The following HECW1 variants were observed in gnomAD, a reference collection of about 807,000 sequenced individuals.
HECW1 encodes the protein HECT, C2 and WW domain containing E3 ubiquitin protein ligase 1, also known as E3 ubiquitin-protein ligase HECW1.
A neutral mutation model predicts 182.3 loss-of-function variants in HECW1; 61 were observed. That is an observed-to-expected ratio of 0.33 (90% CI 0.27 to 0.41). The LOEUF (loss-of-function observed/expected upper bound fraction) is 0.41. Among genes scored for constraint, HECW1 ranks in the 10% least tolerant of loss-of-function variants. HECW1 has a pLI of 1.00. For missense variants in HECW1, 1,739 were observed against 2,108.9 expected (o/e 0.82, Z 3.44); for synonymous variants, 859 against 832.6 (o/e 1.03, Z -0.55).
chr7:43,295,810 C>T (rs1805976658), intron 3 of HECW1, among the ~76,000 whole-genome samples: 1 of 152,120 alleles, frequency 6.6e-6, no homozygotes, highest in African/African-American at 2.4e-5. Context: ...ATTGTAAGCC[C>T]ATTTATACTC....
intron 2 of HECW1, among the ~76,000 whole-genome samples, chr7:43,154,454 A>G (rs1050170167): frequency 1.3e-5 from 2 of 152,096 alleles, no homozygotes; most frequent in African/African-American, 2.4e-5. Flanking sequence ...GTTAGTTGCT[A>G]TTTGTCCCCT....
chr7:43,335,980 TC>T (rs1812114048), intron 5 of HECW1, among the ~76,000 whole-genome samples: 2 of 136,728 alleles, frequency 1.5e-5, no homozygotes, highest in Admixed American at 7.1e-5. Flanking sequence ...CCTCTCTCTC[TC>T]TTTCTCTCTC....
intron 13 of HECW1, among the ~76,000 whole-genome samples, chr7:43,458,391 A>G (rs2077473206): frequency 6.6e-6 from 1 of 152,242 alleles, no homozygotes; most frequent in African/African-American, 2.4e-5. Flanking sequence ...ATCTGCTTGC[A>G]TAATATAAAA....
In HECW1 at chr7:43,141,659, C is replaced by T. The variant is rs540845941; in HGVS notation, c.-32+27268C>T. On this transcript the variant is annotated intron_variant, in intron 2 of 29. Coordinates refer to ENST00000395891, the MANE Select transcript of HECW1 (RefSeq NM_015052.5). ...GGATTACAGGCATGCACCACCACCC[C>T]GGCTAATGTTGTATTTTTAGTAGAG... Among the ~76,000 whole-genome samples the T allele has an allele frequency of 1.4e-4, 21 of 152,088 alleles. No homozygotes were observed. In the South Asian group the frequency reaches 4.4e-3, roughly 32 times the overall value.
chr7:43,145,540 C>G (rs954707576), intron 2 of HECW1, among the ~76,000 whole-genome samples: 5 of 152,206 alleles, frequency 3.3e-5, no homozygotes, highest in Non-Finnish European at 7.4e-5. Flanking sequence ...TCAAGCAATC[C>G]TCCCGCTTTG....
rs759484626 is a variant in HECW1 at position 43,550,600 on chromosome 7, C to T, written c.4395+9C>T. ...TGCGCGGCTTCTACGAGGTGAGGCC[C>T]GGTGGCCTGGGGAAGGCAAGCTGTG... is the stretch of plus-strand genomic sequence containing the variant. On this transcript the variant is annotated intron_variant, in intron 27 of 29. Coordinates refer to ENST00000395891, the MANE Select transcript of HECW1 (RefSeq NM_015052.5). 21 of 1,591,684 alleles carry T rather than the reference C, an allele frequency of 1.3e-5. No individual in the cohort carries two copies. Among genetic ancestry groups the T allele is most frequent in the South Asian group, 1.2e-4 (11 of 88,318 alleles).
chr7:43,298,815 T>G (rs1806355500), intron 3 of HECW1, among the ~76,000 whole-genome samples: 1 of 152,228 alleles, frequency 6.6e-6, no homozygotes, highest in African/African-American at 2.4e-5. Flanking sequence ...TACCACGAGG[T>G]GCAGGCTCTG....
chr7:43,128,167 A>ACC (rs759743779), intron 2 of HECW1, among the ~76,000 whole-genome samples: 42 of 152,324 alleles, frequency 2.8e-4, no homozygotes, highest in Non-Finnish European at 2.8e-4. Flanking sequence ...GGCGTGAGCC[A>ACC]CCGCACCTGG....
At chr7:43,369,422 C>T (rs749568215) in intron 6 of HECW1, among the ~76,000 whole-genome samples, 6 of 152,104 alleles carry the variant, frequency 3.9e-5, no homozygotes, top group Non-Finnish European at 8.8e-5. Flanking sequence ...CACGCCATTG[C>T]ACTCCAGCCT....
intron 9 of HECW1, chr7:43,438,822 T>A (rs2076790552): frequency 6.6e-6 from 1 of 152,230 alleles, no homozygotes; most frequent in Non-Finnish European, 1.5e-5. Context: ...TTGAAAACAC[T>A]AAATAAAGCT....
At chr7:43,282,572 G>C (rs1292709685) in intron 3 of HECW1, among the ~76,000 whole-genome samples, 4 of 152,106 alleles carry the variant, frequency 2.6e-5, no homozygotes, top group Non-Finnish European at 5.9e-5. Flanking sequence ...TATAAAGTGA[G>C]ACACAAACTG....
At chr7:43,393,234 T>C (rs1026727918) in intron 6 of HECW1, among the ~76,000 whole-genome samples, 4 of 152,174 alleles carry the variant, frequency 2.6e-5, no homozygotes, top group African/African-American at 9.6e-5. Flanking sequence ...TAGTCAGGCA[T>C]CAGACAAGCC....
chr7:43,479,788 C>T, intron 17 of HECW1, 44 bp downstream of exon 17: 1 of 1,609,630 alleles, frequency 6.2e-7, no homozygotes, highest in Non-Finnish European at 8.5e-7. Flanking sequence ...CGGTCACAGT[C>T]TCTGCCTCTT....
At chr7:43,149,169 A>G (rs1562599106) in intron 2 of HECW1, among the ~76,000 whole-genome samples, 2 of 152,186 alleles carry the variant, frequency 1.3e-5, no homozygotes, top group African/African-American at 4.8e-5. Flanking sequence ...CGTATTGATT[A>G]CAAAGAAAAA....
At chr7:43,508,183 C>T (rs1457431180) in intron 23 of HECW1, 52 bp downstream of exon 23, 8 of 1,265,114 alleles carry the variant, frequency 6.3e-6, no homozygotes, top group Non-Finnish European at 9.2e-6. Context: ...GGGCCAGAGC[C>T]TCAGGGTCAG....
At position 43,140,215 on chromosome 7, in the gene HECW1, T is replaced by G. The variant is rs539213081; in HGVS notation, c.-32+25824T>G. On this transcript the variant is annotated intron_variant, in intron 2 of 29. Transcript: ENST00000395891. Reference sequence around the variant, plus strand: ...CATCTATATTTCTCCTCATTAAATTTTTTCCATTTCTTCTGAATTTGATTA... The same window carrying G: ...CATCTATATTTCTCCTCATTAAATTGTTTCCATTTCTTCTGAATTTGATTA... 1.6e-3 allele frequency among the ~76,000 whole-genome samples: 243 copies of G among 152,332 alleles called. 2 individuals are homozygous for G. The Middle Eastern group carries it at 0.024, about 15-fold the overall frequency.
At chr7:43,499,269 T>G (rs972021265) in intron 19 of HECW1, among the ~76,000 whole-genome samples, 11 of 151,922 alleles carry the variant, frequency 7.2e-5, no homozygotes, top group African/African-American at 2.7e-4. Context: ...AGCAACAGAG[T>G]GAGACCCTGT....
At chr7:43,539,429 T>C (rs1220219559) in intron 24 of HECW1, among the ~76,000 whole-genome samples, 1 of 152,224 alleles carries the variant, frequency 6.6e-6, no homozygotes, top group Non-Finnish European at 1.5e-5. Context: ...CTCCTCAAAG[T>C]TTCCTACTTG....
chr7:43,494,366 C>G (rs2079038908), intron 19 of HECW1, among the ~76,000 whole-genome samples: 1 of 152,122 alleles, frequency 6.6e-6, no homozygotes, highest in African/African-American at 2.4e-5. Context: ...TCTTCTGGAC[C>G]ATACAGGGGT....
Sources: gnomAD v4.1 joint callset for allele counts (sites outside exome capture counted in the v4.1 genomes callset) on GRCh38, gnomAD v4.1.1 for gene constraint, MANE v1.5 for transcripts, NCBI Gene and HGNC (gene_info 2026-07-23, HGNC 2026-07-21) for gene names.